Variants in GPC5 observed in about 807,000 individuals in gnomAD.
GPC5 encodes glypican-5.
GPC5 carries 47 observed loss-of-function variants against 53.9 expected under a neutral mutation model. That is an observed-to-expected ratio of 0.87 (90% CI 0.69 to 1.11). The LOEUF (loss-of-function observed/expected upper bound fraction) is 1.11. Ranked by LOEUF, GPC5 falls within the 50% of genes most tolerant of loss-of-function variation. The pLI is 0.00. For missense variants in GPC5, 748 were observed against 713.1 expected, an observed-to-expected ratio of 1.05 and a Z score of -0.56; for synonymous variants, 286 against 263.3, an observed-to-expected ratio of 1.09 and a Z score of -0.84.
At chr13:92,058,666 C>T (rs2041096143) in intron 6 of GPC5, among the ~76,000 whole-genome samples, 1 of 152,156 alleles carries the variant, frequency 6.6e-6, no homozygotes, top group Admixed American at 6.5e-5. Flanking sequence ...GCCTCAGCCT[C>T]CCATGTAGCT....
intron 6 of GPC5, among the ~76,000 whole-genome samples, chr13:92,041,343 T>C (rs2040939885): frequency 6.6e-6 from 1 of 152,180 alleles, no homozygotes; most frequent in Non-Finnish European, 1.5e-5. Flanking sequence ...GGGAAGGATG[T>C]GATCACGTAC....
chr13:92,530,861 T>A (rs1199894205), intron 7 of GPC5, among the ~76,000 whole-genome samples: 2 of 152,174 alleles, frequency 1.3e-5, no homozygotes, highest in Admixed American at 6.5e-5. Context: ...AATCATTACA[T>A]AAATGACGAT....
intron 7 of GPC5, among the ~76,000 whole-genome samples, chr13:92,749,558 A>G (rs1245650706): frequency 6.6e-6 from 1 of 152,124 alleles, no homozygotes; most frequent in Non-Finnish European, 1.5e-5. Context: ...GATTATTAAG[A>G]CGATGGAGGT....
chr13:92,749,155 T>G (rs1213543932), intron 7 of GPC5, among the ~76,000 whole-genome samples: 3 of 152,292 alleles, frequency 2.0e-5, no homozygotes, highest in Middle Eastern at 3.4e-3. Context: ...GATTTTTAAG[T>G]GTCACCAGGA....
intron 7 of GPC5, among the ~76,000 whole-genome samples, chr13:92,406,409 A>C (rs1246391186): frequency 2.0e-5 from 3 of 152,208 alleles, no homozygotes; most frequent in African/African-American, 7.2e-5. Context: ...TAAATTTATT[A>C]AAGCAATGAG....
chr13:92,392,022 C>G (rs763872507), intron 7 of GPC5, among the ~76,000 whole-genome samples: 1 of 152,026 alleles, frequency 6.6e-6, no homozygotes, highest in Non-Finnish European at 1.5e-5. Flanking sequence ...CTTTTGCCTG[C>G]GAGAGAGCAG....
chr13:91,511,610 C>T (rs1323025087), intron 2 of GPC5, among the ~76,000 whole-genome samples: 1 of 152,058 alleles, frequency 6.6e-6, no homozygotes, highest in Non-Finnish European at 1.5e-5. Context: ...TCTTTAAGTT[C>T]GTTGATCTTT....
At chr13:92,046,914 A>G (rs978600916) in intron 6 of GPC5, among the ~76,000 whole-genome samples, 1 of 152,214 alleles carries the variant, frequency 6.6e-6, no homozygotes, top group Non-Finnish European at 1.5e-5. Context: ...TGAATGTTTT[A>G]AAATCACTAA....
At chr13:91,441,336 A>T (rs959518172) in intron 1 of GPC5, among the ~76,000 whole-genome samples, 1 of 152,198 alleles carries the variant, frequency 6.6e-6, no homozygotes, top group Non-Finnish European at 1.5e-5. Flanking sequence ...TCATTTAAGT[A>T]TAAAGTTCCT....
At chr13:91,930,294 G>C (rs1463457060) in intron 6 of GPC5, among the ~76,000 whole-genome samples, 3 of 151,952 alleles carry the variant, frequency 2.0e-5, no homozygotes, top group Admixed American at 6.6e-5. Context: ...AAAAATTATA[G>C]AAGGTTAGAT....
At chr13:91,782,206 A>G (rs1324625801) in intron 5 of GPC5, among the ~76,000 whole-genome samples, 1 of 152,202 alleles carries the variant, frequency 6.6e-6, no homozygotes, top group Non-Finnish European at 1.5e-5. Flanking sequence ...GGCAGCAGCC[A>G]TATACTTCAG....
chr13:92,227,792 T>G (rs990007608), intron 7 of GPC5, among the ~76,000 whole-genome samples: 9 of 152,248 alleles, frequency 5.9e-5, no homozygotes, highest in South Asian at 4.1e-4. Context: ...TATATACTTA[T>G]GAGGGGCATG....
chr13:92,523,396 G>T (rs1023388055), intron 7 of GPC5, among the ~76,000 whole-genome samples: 2 of 151,976 alleles, frequency 1.3e-5, no homozygotes, highest in Admixed American at 1.3e-4. Flanking sequence ...AATGTTCTTT[G>T]ATATTTGACA....
chr13:91,578,732 A>G (rs1235899695), intron 2 of GPC5, among the ~76,000 whole-genome samples: 4 of 151,962 alleles, frequency 2.6e-5, no homozygotes, highest in African/African-American at 9.7e-5. Flanking sequence ...AATATTTTCA[A>G]AGTAGTAAGT....
chr13:92,454,694 G>A (rs1451965179), intron 7 of GPC5, among the ~76,000 whole-genome samples: 1 of 152,148 alleles, frequency 6.6e-6, no homozygotes, highest in Non-Finnish European at 1.5e-5. Context: ...TTGGTGTCTA[G>A]TTATGGAGCC....
intron 2 of GPC5, among the ~76,000 whole-genome samples, chr13:91,517,572 A>C (rs1402682750): frequency 6.6e-6 from 1 of 152,182 alleles, no homozygotes; most frequent in Non-Finnish European, 1.5e-5. Flanking sequence ...TTTTCTTCTG[A>C]GCCCTCCAAA....
intron 7 of GPC5, among the ~76,000 whole-genome samples, chr13:92,228,043 G>A (rs189592089): frequency 1.4e-4 from 21 of 151,776 alleles, no homozygotes; most frequent in East Asian, 9.7e-4. Flanking sequence ...AAAGTGGATC[G>A]TCATAAAGAT....
At chr13:91,540,075 A>G (rs1180455042) in intron 2 of GPC5, among the ~76,000 whole-genome samples, 1 of 152,256 alleles carries the variant, frequency 6.6e-6, no homozygotes, top group Non-Finnish European at 1.5e-5. Flanking sequence ...GCTGTATAAC[A>G]GAAACCAAGA....
rs537938860 is a variant in GPC5 at position 92,168,107 on chromosome 13, CCA to C, written c.1561+23121_1561+23122del. On this transcript the variant is annotated intron_variant, in intron 7 of 7. Transcript: ENST00000377067. ...CTCCAATCATGGCCCTGATAAAAAG[CCA>C]CAGAGTCCTAACACTGGGTTTCTAG... Among the ~76,000 whole-genome samples the C allele has an allele frequency of 2.2e-3, 331 of 152,236 alleles. 3 individuals carry two copies. The highest frequency in any genetic ancestry group is 7.6e-3 in the African/African-American group (316 of 41,544).
Sources: allele counts gnomAD v4.1 joint callset (sites outside exome capture counted in the v4.1 genomes callset), GRCh38; gene constraint gnomAD v4.1.1; transcripts MANE v1.5; gene names NCBI Gene and HGNC (gene_info 2026-07-23, HGNC 2026-07-21).